The following DOCK11 variants were observed in gnomAD, a reference collection of about 807,000 sequenced individuals.
DOCK11 encodes dedicator of cytokinesis 11.
A neutral mutation model predicts 169.1 loss-of-function variants in DOCK11; 70 were observed. The observed-to-expected ratio is 0.41, with a 90% confidence interval of 0.34 to 0.51. The LOEUF is 0.51. DOCK11 is among the 20% of genes least tolerant of loss of function. The probability of loss-of-function intolerance (pLI) is 0.10; values close to 1 mark genes in which losing one functional copy is unlikely to be tolerated. For missense variants in DOCK11, 1,166 were observed against 1,538.8 expected, an observed-to-expected ratio of 0.76 and a Z score of 4.05; for synonymous variants, 529 against 541.3, an observed-to-expected ratio of 0.98 and a Z score of 0.32.
In DOCK11 at chrX:118,574,026, A is replaced by G. The variant is rs756389774; in HGVS notation, c.1389+8A>G. 1.7e-6 allele frequency: 2 copies of G among 1,199,869 alleles called. No individual in the cohort carries two copies. Among genetic ancestry groups the G allele is most frequent in the Middle Eastern group, 2.3e-4 (1 of 4,327 alleles). The stretch of plus-strand genomic sequence containing the variant: ...TTACGCTACATACAACAGGTAACGA[A>G]TGACCTTTAGTCTTAGCAGCGTATT... On this transcript the variant is annotated splice_region_variant and intron_variant, in intron 12 of 52. Coordinates refer to ENST00000276202, the MANE Select transcript of DOCK11 (RefSeq NM_144658.4).
At position 118,675,430 on chromosome X, in the gene DOCK11, G is replaced by A. The variant is rs1432399518; in HGVS notation, c.5200-506G>A. On this transcript the variant is annotated intron_variant, in intron 46 of 52. Transcript: ENST00000276202. Reference sequence around the variant, plus strand: ...TTTCAAAATTTAAAATTTCCATTGAGATGTGAATGAAATGAAGCATGATAT... The same window carrying A: ...TTTCAAAATTTAAAATTTCCATTGAAATGTGAATGAAATGAAGCATGATAT... Among the ~76,000 whole-genome samples, 4 of 111,527 alleles carry A rather than the reference G, an allele frequency of 3.6e-5. No homozygotes were observed. In the Admixed American group the frequency reaches 3.8e-4, roughly 11 times the overall value.
At chrX:118,545,095 A>G (rs1421045864) in intron 4 of DOCK11, among the ~76,000 whole-genome samples, 1 of 110,314 alleles carries the variant, frequency 9.1e-6, no homozygotes, top group Non-Finnish European at 1.9e-5. Context: ...TGCTGGCCAC[A>G]TATGTGGAAG....
intron 20 of DOCK11, among the ~76,000 whole-genome samples, chrX:118,594,607 A>G (rs1392520381): frequency 8.9e-6 from 1 of 111,972 alleles, no homozygotes; most frequent in Non-Finnish European, 1.9e-5. Context: ...ACTTTGGAGA[A>G]TACAGTGGAG....
chrX:118,498,970 A>C (rs893615911), intron 1 of DOCK11, among the ~76,000 whole-genome samples: 2 of 111,284 alleles, frequency 1.8e-5, no homozygotes, highest in African/African-American at 6.5e-5. Flanking sequence ...AGACTGTTCC[A>C]CTGTTACTGC....
intron 1 of DOCK11, among the ~76,000 whole-genome samples, chrX:118,537,791 C>T (rs987637222): frequency 2.7e-5 from 3 of 111,909 alleles, no homozygotes; most frequent in Non-Finnish European, 5.6e-5. Flanking sequence ...CCATTGTTTC[C>T]TCTCTTTGGA....
At chrX:118,564,619 C>A (rs1389169699) in intron 7 of DOCK11, among the ~76,000 whole-genome samples, 1 of 111,585 alleles carries the variant, frequency 9.0e-6, no homozygotes, top group Non-Finnish European at 1.9e-5. Flanking sequence ...CTTATTTTTT[C>A]TTTCTTTTTT....
chrX:118,629,963 C>T (rs756912004), intron 34 of DOCK11, among the ~76,000 whole-genome samples: 1 of 109,588 alleles, frequency 9.1e-6, no homozygotes, highest in Non-Finnish European at 1.9e-5. Context: ...TTTTATTAGC[C>T]CTTAAGATAG....
intron 44 of DOCK11, among the ~76,000 whole-genome samples, chrX:118,658,380 G>A (rs1255614923): frequency 1.8e-5 from 2 of 112,623 alleles, no homozygotes. Flanking sequence ...ATGTTCTACT[G>A]TGTAGCGTTT....
chrX:118,519,968 A>G (rs2057712739), intron 1 of DOCK11, among the ~76,000 whole-genome samples: 1 of 111,845 alleles, frequency 8.9e-6, no homozygotes, highest in Non-Finnish European at 1.9e-5. Context: ...TCAGACCTGA[A>G]GAAGGCATTT....
intron 1 of DOCK11, among the ~76,000 whole-genome samples, chrX:118,535,263 A>G (rs757257356): frequency 8.9e-6 from 1 of 112,193 alleles, no homozygotes; most frequent in African/African-American, 3.2e-5. Flanking sequence ...TCCATCAGAT[A>G]AAGATTTGAA....
intron 12 of DOCK11, among the ~76,000 whole-genome samples, chrX:118,574,826 CTTCTA>C (rs977125423): frequency 2.7e-5 from 3 of 111,831 alleles, no homozygotes; most frequent in Non-Finnish European, 3.8e-5. Context: ...ATGCTACACT[CTTCTA>C]TTCTATCTGG....
chrX:118,558,232 C>T (rs1004654456), intron 6 of DOCK11, among the ~76,000 whole-genome samples: 1 of 110,460 alleles, frequency 9.1e-6, no homozygotes, highest in African/African-American at 3.3e-5. Flanking sequence ...CTCGGCCTCC[C>T]AAAGTGTTGG....
chrX:118,537,680 C>T (rs1014184479), intron 1 of DOCK11, among the ~76,000 whole-genome samples: 2 of 111,226 alleles, frequency 1.8e-5, no homozygotes, highest in African/African-American at 3.3e-5. Flanking sequence ...CATACAGTTA[C>T]GATGATAAAA....
At chrX:118,505,437 A>G (rs2057604973) in intron 1 of DOCK11, among the ~76,000 whole-genome samples, 1 of 112,281 alleles carries the variant, frequency 8.9e-6, no homozygotes, top group Non-Finnish European at 1.9e-5. Flanking sequence ...CCCAGGCTTT[A>G]TGGTGGGCAA....
chrX:118,652,002 A>G lies in DOCK11; in HGVS notation c.4620A>G (p.Ala1540=). 3 of 1,208,211 alleles carry G rather than the reference A, an allele frequency of 2.5e-6. No homozygotes were observed. The highest frequency in any genetic ancestry group is 3.4e-6 in the Non-Finnish European group (3 of 893,412). ...IAVSQLIADV[A]LSGGSRFQES... is the part of the protein sequence containing the mutation. ...TAAGCCAACTGATAGCTGATGTAGC[A>G]CTAAGCGGAGGATCAAGATTTCAGG... The change falls in exon 42 of 53, where the codon GCA becomes GCG. Residue 1540 remains alanine (A), a synonymous_variant. Transcript: ENST00000276202.
At chrX:118,595,537 G>C (rs2014136599) in intron 20 of DOCK11, among the ~76,000 whole-genome samples, 1 of 111,685 alleles carries the variant, frequency 9.0e-6, no homozygotes, top group African/African-American at 3.3e-5. Context: ...TTAGTTCAGG[G>C]TAGGGGCTTT....
At position 118,630,569 on chromosome X, in the gene DOCK11, GATC is replaced by G. The variant is rs2015213778; in HGVS notation, c.3886+86_3886+88del. ...TTCACAAATTCATGCAACAATATTT[GATC>G]ATCATCTGGAGGCAGAGCACATGCA... On this transcript the variant is annotated intron_variant, in intron 35 of 52. Transcript: ENST00000276202. The G allele has an allele frequency of 5.2e-6, 3 of 578,333 alleles. No homozygotes were observed. In the Admixed American group the frequency reaches 8.0e-5, roughly 15 times the overall value. The allele number at this position is 578,333 out of a possible 1,213,427, so 47.7% of individuals were successfully genotyped here.
chrX:118,633,575 A>T (rs779060173), intron 35 of DOCK11: 9 of 112,492 alleles, frequency 8.0e-5, no homozygotes, highest in African/African-American at 2.6e-4. Flanking sequence ...AGGGTCTTCT[A>T]TGTTAGGCTT....
chrX:118,554,542 T>C (rs2012614352), intron 6 of DOCK11, among the ~76,000 whole-genome samples: 1 of 110,933 alleles, frequency 9.0e-6, no homozygotes, highest in South Asian at 3.9e-4. Context: ...AGAGTGAGAC[T>C]CTGTCTCAAA....
Sources: allele counts gnomAD v4.1 joint callset (sites outside exome capture counted in the v4.1 genomes callset), GRCh38; gene constraint gnomAD v4.1.1; transcripts MANE v1.5; gene names NCBI Gene and HGNC (gene_info 2026-07-23, HGNC 2026-07-21).